FANCD2OS: variants seen among roughly 807,000 people sequenced by gnomAD.
The protein encoded by FANCD2OS is FANCD2 opposite strand, also known as FANCD2 opposite strand protein.
A neutral mutation model predicts 13.2 loss-of-function variants in FANCD2OS; 11 were observed. The observed-to-expected ratio is 0.83, with a 90% CI of 0.52 to 1.38. FANCD2OS has a LOEUF of 1.38. Among genes scored for constraint, FANCD2OS ranks in the 40% most tolerant of loss-of-function variants. FANCD2OS has a pLI of 0.00. For synonymous variants in FANCD2OS, 69 were observed against 84.5 expected, an observed-to-expected ratio of 0.82 and a Z score of 1.01; for missense variants, 217 against 213.9, an observed-to-expected ratio of 1.01 and a Z score of -0.09.
rs144184722 is a variant in FANCD2OS, at chr3:10,104,582, C to G, written c.193G>C (p.Glu65Gln). ...VTLVLDSPFL[E>Q]SGVSPKLPCH... ...GGTAACTTGGGACTCACTCCAGATT[C>G]CAGGAATGGGCTGTCTAGGACTAGA... The change falls in exon 2 of 2, where the codon GAA (glutamate) becomes CAA (glutamine). Residue 65 changes from glutamate (E) to glutamine (Q), a missense_variant. By Grantham distance (29) the Glu-to-Gln change is conservative. Coordinates refer to ENST00000450660, the MANE Select transcript of FANCD2OS (RefSeq NM_001164839.2). 1.3e-5 allele frequency: 21 copies of G among 1,614,050 alleles called. No homozygotes were observed. The African/African-American group carries it at 2.8e-4, about 22-fold the overall frequency.
At chr3:10,101,098 G>T, downstream of FANCD2OS, 4 of 958,098 alleles carry the variant, frequency 4.2e-6, no homozygotes, top group Non-Finnish European at 6.7e-6. Context: ...AGTGATAATA[G>T]TACAGTTGTG....
intron 2 of FANCD2OS, among the ~76,000 whole-genome samples, chr3:10,097,897 G>A (rs1392742503): frequency 8.5e-5 from 13 of 152,134 alleles, no homozygotes; most frequent in Admixed American, 7.9e-4. Flanking sequence ...CACAATCCAC[G>A]TTCTTCTGTC....
intron 2 of FANCD2OS, chr3:10,096,610 C>A: frequency 1.2e-6 from 1 of 826,518 alleles, no homozygotes. Flanking sequence ...CTGTTTAACT[C>A]TTAAAGTTAT....
intron 2 of FANCD2OS, chr3:10,087,006 G>A (rs1419107189): frequency 9.6e-7 from 1 of 1,039,420 alleles, no homozygotes; most frequent in Non-Finnish European, 1.5e-6. Flanking sequence ...TAAAGCACCT[G>A]AAAATAAGGA....
At chr3:10,084,290 C>CTTT (rs112071263) in intron 2 of FANCD2OS, among the ~76,000 whole-genome samples, 13 of 142,910 alleles carry the variant, frequency 9.1e-5, no homozygotes, top group Admixed American at 1.4e-4. Context: ...CTACACCTGG[C>CTTT]TTTTTTTTTT....
intron 2 of FANCD2OS, chr3:10,094,964 A>G (rs1220214992): frequency 7.4e-6 from 4 of 543,200 alleles, no homozygotes; most frequent in African/African-American, 1.9e-5. Context: ...TAACCTATGT[A>G]AAACTAAAAT....
chr3:10,105,763 A>T lies in FANCD2OS; in HGVS notation c.-8-981T>A, dbSNP rs1332362880. ...AAGACTCCATCTAAAAAAAAAAAAAAAAAAAAAATTATATATATATATATA... is the reference window on the plus strand; with the variant it reads ...AAGACTCCATCTAAAAAAAAAAAAATAAAAAAAATTATATATATATATATA... On this transcript the variant is annotated intron_variant, in intron 1 of 1. Transcript: ENST00000450660. 2.2e-3 allele frequency among the ~76,000 whole-genome samples: 157 copies of T among 71,608 alleles called. 4 individuals carry two copies. The highest frequency in any genetic ancestry group is 0.01 in the African/African-American group (101 of 9,676). The allele number at this position is 71,608 out of a possible 152,430, so 47.0% of individuals were successfully genotyped here. A position where few individuals can be genotyped will look rare whatever the true frequency, so the allele number is the denominator to read the frequency against.
At chr3:10,101,429 A>G, downstream of FANCD2OS, 1 of 560,214 alleles carries the variant, frequency 1.8e-6, no homozygotes, top group South Asian at 2.0e-5. Flanking sequence ...TGTGTTTCCC[A>G]GGCTGGAGTG....
Position 10,094,362 on chromosome 3 carries a change from G to C in FANCD2OS, c.*43+9836C>G, listed in dbSNP as rs147205530. The C allele has an allele frequency of 8.3e-5, 134 of 1,612,508 alleles. No homozygotes were observed. The Admixed American group carries it at 1.8e-3, about 21-fold the overall frequency. ...CTAGACTTCAGTTTTAGAAAACACC[G>C]GGTAAGAGCTAAGAGCAGAGAACAA... On this transcript the variant is annotated intron_variant, in intron 2 of 2. Transcript: ENST00000524279.
Position 10,104,668 on chromosome 3 carries a change from G to A in FANCD2OS, c.107C>T (p.Ser36Phe). The A allele has an allele frequency of 6.2e-7, 1 of 1,614,170 alleles. No individual in the cohort carries two copies. Among genetic ancestry groups the A allele is most frequent in the Non-Finnish European group, 8.5e-7 (1 of 1,180,032 alleles). The change falls in exon 2 of 2, where the codon TCC becomes TTC. Residue 36 changes from serine to phenylalanine, a missense_variant. By Grantham distance (155) the Ser-to-Phe change is radical. Coordinates refer to ENST00000450660, the MANE Select transcript of FANCD2OS (RefSeq NM_001164839.2). ...TPSSKHPFKA[S>F]PCFPHTPSDL... Reference sequence around the variant, plus strand: ...GGACGGTGTGTGTGGGAAGCAGGGGGAGGCCTTGAATGGGTGCTTGGAGGA... The same window carrying A: ...GGACGGTGTGTGTGGGAAGCAGGGGAAGGCCTTGAATGGGTGCTTGGAGGA...
downstream of FANCD2OS, among the ~76,000 whole-genome samples, chr3:10,100,020 C>T (rs780975075): frequency 5.9e-5 from 9 of 151,712 alleles, no homozygotes; most frequent in Non-Finnish European, 1.0e-4. Flanking sequence ...CCCATCTCTA[C>T]AGAAAAAATT....
At chr3:10,090,359 C>CTCAGATGATCCT in intron 2 of FANCD2OS, 1 of 1,611,402 alleles carries the variant, frequency 6.2e-7, no homozygotes, top group Non-Finnish European at 8.5e-7. Context: ...AAAAATTGAG[C>CTCAGATGATCCT]CTGGCACAGC....
downstream of FANCD2OS, chr3:10,099,142 T>C: frequency 6.8e-7 from 1 of 1,465,424 alleles, no homozygotes. Context: ...ATTTTCTGAG[T>C]GTTGAGAAGA....
rs773716319 is a variant in FANCD2OS at position 10,090,443 on chromosome 3, A to ATTTT, written c.*44-8916_*44-8913dup. ...ACTTTGGATTACTTGGAAGTTGCTG[A>ATTTT]TTTTTTTTTTTTTTTTTTTTTTTTT... On this transcript the variant is annotated intron_variant, in intron 2 of 2. Coordinates refer to the FANCD2OS transcript ENST00000524279. 2.1e-3 allele frequency: 716 copies of ATTTT among 341,522 alleles called. 5 individuals are homozygous for ATTTT. The highest frequency in any genetic ancestry group is 5.2e-3 in the Middle Eastern group (6 of 1,150). The allele number at this position is 341,522 out of a possible 1,614,324, so 21.2% of individuals were successfully genotyped here. A position where few individuals can be genotyped will look rare whatever the true frequency, so the allele number is the denominator to read the frequency against.
chr3:10,086,431 G>A (rs1237973684), intron 2 of FANCD2OS, among the ~76,000 whole-genome samples: 5 of 152,066 alleles, frequency 3.3e-5, no homozygotes, highest in Admixed American at 6.5e-5. Flanking sequence ...TGGTAACCTA[G>A]ACCATCACTG....
intron 2 of FANCD2OS, chr3:10,088,788 T>G (rs1471159435): frequency 6.2e-7 from 1 of 1,609,986 alleles, no homozygotes; most frequent in Non-Finnish European, 8.5e-7. Flanking sequence ...TGTATTCTAC[T>G]TTGTTAATTA....
chr3:10,100,762 T>C, downstream of FANCD2OS, among the ~76,000 whole-genome samples: 1 of 152,146 alleles, frequency 6.6e-6, no homozygotes, highest in African/African-American at 2.4e-5. Flanking sequence ...TGGAGGACCA[T>C]AGCTTATTTA....
intron 2 of FANCD2OS, among the ~76,000 whole-genome samples, chr3:10,084,463 C>CA (rs1694057210): frequency 6.7e-6 from 1 of 149,032 alleles, no homozygotes; most frequent in African/African-American, 2.5e-5. Context: ...CTGATTTTTC[C>CA]TTTTTTTTTT....
downstream of FANCD2OS, chr3:10,099,126 C>A: frequency 3.4e-6 from 5 of 1,483,478 alleles, no homozygotes; most frequent in Non-Finnish European, 4.4e-6. Context: ...GAGAAGTCAT[C>A]GAAGTATTTT....
Sources: allele counts gnomAD v4.1 joint callset (sites outside exome capture counted in the v4.1 genomes callset), GRCh38; gene constraint gnomAD v4.1.1; transcripts MANE v1.5; gene names NCBI Gene and HGNC (gene_info 2026-07-23, HGNC 2026-07-21).